The following SPATA13 variants were observed in gnomAD, a reference collection of about 807,000 sequenced individuals.
SPATA13 encodes spermatogenesis-associated protein 13.
Under a neutral mutation model 104.0 loss-of-function variants are expected in SPATA13, and 50 were observed. That is an observed-to-expected ratio of 0.48 (90% confidence interval 0.38 to 0.61). The LOEUF is 0.61. Ranked by LOEUF, SPATA13 falls within the 20% of genes least tolerant of loss-of-function variation. The probability of loss-of-function intolerance (pLI) is 0.00; values close to 1 mark genes in which losing one functional copy is unlikely to be tolerated. For missense variants in SPATA13, 1,524 were observed against 1,690.6 expected, an observed-to-expected ratio of 0.90 and a Z score of 1.73; for synonymous variants, 606 against 667.5, an observed-to-expected ratio of 0.91 and a Z score of 1.42.
intron 3 of SPATA13, among the ~76,000 whole-genome samples, chr13:24,073,722 C>A (rs757807230): frequency 1.5e-4 from 23 of 152,198 alleles, no homozygotes; most frequent in Non-Finnish European, 2.8e-4. Context: ...AGTTCTCAAG[C>A]CATCTAATAT....
intron 1 of SPATA13, among the ~76,000 whole-genome samples, chr13:24,167,347 T>G (rs1882782683): frequency 1.3e-5 from 2 of 152,176 alleles, no homozygotes; most frequent in African/African-American, 4.8e-5. Flanking sequence ...CGTGGTCCTC[T>G]CCTTTGGTCT....
intron 2 of SPATA13, among the ~76,000 whole-genome samples, chr13:24,249,161 C>T (rs989249813): frequency 3.3e-5 from 5 of 152,226 alleles, no homozygotes; most frequent in Non-Finnish European, 7.3e-5. Context: ...TGAGCCACCG[C>T]ATCCGGCCAG....
intron 3 of SPATA13, among the ~76,000 whole-genome samples, chr13:24,115,321 ACAGGGTCCC>A (rs1880797880): frequency 6.6e-6 from 1 of 152,154 alleles, no homozygotes; most frequent in Non-Finnish European, 1.5e-5. Flanking sequence ...GCAGCTTACA[ACAGGGTCCC>A]CAGCCCACAG....
At position 24,103,504 on chromosome 13, in the gene SPATA13, A is replaced by AAAAAAG. The variant is rs1458068316; in HGVS notation, c.-112+85804_-112+85805insAAAAGA. Among the ~76,000 whole-genome samples, 62 of 115,600 alleles carry AAAAAAG rather than the reference A, an allele frequency of 5.4e-4. 3 individuals are homozygous for AAAAAAG. Among genetic ancestry groups the AAAAAAG allele is most frequent in the African/African-American group, 1.4e-3 (44 of 31,862 alleles). 75.8% of individuals were successfully genotyped at this position (115,600 alleles called of 152,430 possible). On this transcript the variant is annotated intron_variant, in intron 3 of 14. Transcript: ENST00000424834. Reference sequence around the variant, plus strand: ...TGTCTCAAAAAAAAAAAAAAAAAACAAGAAAGAAAAGAGCAGGGGAGGAGA... The same window carrying AAAAAAG: ...TGTCTCAAAAAAAAAAAAAAAAAACAAAAAAGAGAAAGAAAAGAGCAGGGGAGGAGA...
chr13:24,087,226 G>T (rs926895803), intron 3 of SPATA13, among the ~76,000 whole-genome samples: 1 of 152,138 alleles, frequency 6.6e-6, no homozygotes, highest in Non-Finnish European at 1.5e-5. Context: ...AGGGGCAGGG[G>T]TGAGGCCCCA....
intron 1 of SPATA13, among the ~76,000 whole-genome samples, chr13:24,202,735 GTTTTTGCA>G (rs1297740166): frequency 6.6e-6 from 1 of 151,636 alleles, no homozygotes; most frequent in African/African-American, 2.4e-5. Flanking sequence ...TTCTTCATCT[GTTTTTGCA>G]TTTATTATTT....
chr13:24,056,907 CT>C (rs201165555), intron 3 of SPATA13, among the ~76,000 whole-genome samples: 19,004 of 133,048 alleles, frequency 0.14, 1,475 homozygotes, highest in East Asian at 0.33. Context: ...AATGGAACTT[CT>C]TTTTTTTTTT....
chr13:24,120,172 A>G (rs1880988319), intron 3 of SPATA13, among the ~76,000 whole-genome samples: 1 of 151,516 alleles, frequency 6.6e-6, no homozygotes, highest in Non-Finnish European at 1.5e-5. Context: ...CTCCCCGGAA[A>G]CTCTTGGGAT....
chr13:24,191,753 G>A (rs1300888589), intron 1 of SPATA13, among the ~76,000 whole-genome samples: 2 of 151,580 alleles, frequency 1.3e-5, no homozygotes, highest in Non-Finnish European at 2.9e-5. Context: ...CTTGTGATCC[G>A]CCCGCCTCAG....
chr13:24,134,797 T>C (rs375149589), intron 3 of SPATA13, among the ~76,000 whole-genome samples: 19 of 152,324 alleles, frequency 1.2e-4, no homozygotes, highest in African/African-American at 4.1e-4. Flanking sequence ...CTCGTTGTTA[T>C]GGACAGAATG....
At chr13:24,093,949 C>CA (rs1555261190) in intron 3 of SPATA13, among the ~76,000 whole-genome samples, 1 of 151,836 alleles carries the variant, frequency 6.6e-6, no homozygotes, top group Non-Finnish European at 1.5e-5. Flanking sequence ...CTCCCCGTCC[C>CA]GGAGGTTAGA....
intron 2 of SPATA13, among the ~76,000 whole-genome samples, chr13:24,006,709 A>G (rs1226880173): frequency 2.0e-5 from 3 of 152,300 alleles, no homozygotes; most frequent in Admixed American, 6.5e-5. Flanking sequence ...CTGAGTTGCA[A>G]TGAGGCCAGC....
intron 1 of SPATA13, among the ~76,000 whole-genome samples, chr13:24,218,161 A>G (rs1483505506): frequency 6.6e-6 from 1 of 152,216 alleles, no homozygotes; most frequent in Non-Finnish European, 1.5e-5. Context: ...ACCCATCTGC[A>G]GTGTGGAATG....
intron 3 of SPATA13, among the ~76,000 whole-genome samples, chr13:24,148,811 A>G (rs1328351222): frequency 2.0e-5 from 3 of 152,236 alleles, no homozygotes; most frequent in Admixed American, 2.0e-4. Flanking sequence ...GAGATCTGGA[A>G]AGCTTGAGGA....
In SPATA13 at chr13:24,285,312, C is replaced by G. The variant is rs75143929; in HGVS notation, c.2302-902C>G. Reference sequence around the variant, plus strand: ...GAATTGTGAATAAAGTATGAATGATCCACACTGGAGGGAGATGTGAGGGAC... The same window carrying G: ...GAATTGTGAATAAAGTATGAATGATGCACACTGGAGGGAGATGTGAGGGAC... On this transcript the variant is annotated intron_variant, in intron 5 of 12. Coordinates refer to ENST00000382108, the MANE Select transcript of SPATA13 (RefSeq NM_001166271.3). 4.9e-3 allele frequency among the ~76,000 whole-genome samples: 746 copies of G among 152,164 alleles called. 7 individuals carry two copies. Among genetic ancestry groups the G allele is most frequent in the African/African-American group, 0.017 (717 of 41,506 alleles).
Position 24,197,559 on chromosome 13 carries a change from T to G in SPATA13, c.-111-25260T>G, listed in dbSNP as rs138261097. 2.4e-3 allele frequency among the ~76,000 whole-genome samples: 368 copies of G among 152,318 alleles called. 4 individuals carry two copies. Among genetic ancestry groups the G allele is most frequent in the African/African-American group, 8.4e-3 (350 of 41,562 alleles). On this transcript the variant is annotated intron_variant, in intron 1 of 12. Transcript: ENST00000382108. ...TAAAACTGTAACCTTTATAGTTACC[T>G]TTTCTGAAAGATAGAAATAATTTGC...
intron 1 of SPATA13, among the ~76,000 whole-genome samples, chr13:24,186,761 G>A (rs1419764991): frequency 6.6e-6 from 1 of 152,152 alleles, no homozygotes; most frequent in Non-Finnish European, 1.5e-5. Context: ...TTTGAAATGG[G>A]CAACAACGCT....
At chr13:23,993,455 G>C (rs556685249) in intron 2 of SPATA13, among the ~76,000 whole-genome samples, 1 of 152,248 alleles carries the variant, frequency 6.6e-6, no homozygotes, top group East Asian at 1.9e-4. Flanking sequence ...GCACATTTAC[G>C]GCAATAAGGC....
chr13:24,180,129 A>G (rs1271689552), intron 1 of SPATA13, among the ~76,000 whole-genome samples: 1 of 152,174 alleles, frequency 6.6e-6, no homozygotes, highest in Non-Finnish European at 1.5e-5. Flanking sequence ...TAAGAGTTTT[A>G]TAGTTTCAGC....
Sources: gnomAD v4.1 joint callset for allele counts (sites outside exome capture counted in the v4.1 genomes callset) on GRCh38, gnomAD v4.1.1 for gene constraint, MANE v1.5 for transcripts, NCBI Gene and HGNC (gene_info 2026-07-23, HGNC 2026-07-21) for gene names.